GRID2: variants seen among roughly 807,000 people sequenced by gnomAD.
The protein encoded by GRID2 is glutamate ionotropic receptor delta type subunit 2.
Under a neutral mutation model 114.8 loss-of-function variants are expected in GRID2, and 33 were observed. The ratio of observed to expected loss-of-function variants is 0.29; its 90% CI spans 0.22 to 0.38. GRID2 has a LOEUF of 0.38. Ranked by LOEUF, GRID2 falls within the 10% of genes least tolerant of loss-of-function variation. The pLI is 1.00. For synonymous variants in GRID2, 505 were observed against 449.9 expected, an observed-to-expected ratio of 1.12 and a Z score of -1.55; for missense variants, 1,184 against 1,257.7, an observed-to-expected ratio of 0.94 and a Z score of 0.89.
chr4:92,376,188 A>T (rs1339895962), intron 1 of GRID2, among the ~76,000 whole-genome samples: 1 of 152,022 alleles, frequency 6.6e-6, no homozygotes, highest in Admixed American at 6.6e-5. Flanking sequence ...CGGGCACCTG[A>T]AGTCCCAGCT....
chr4:93,284,784 G>A (rs970944127), intron 8 of GRID2, among the ~76,000 whole-genome samples: 6 of 137,604 alleles, frequency 4.4e-5, no homozygotes, highest in Admixed American at 8.4e-5. Flanking sequence ...AATACAGTTA[G>A]AATAATAAAG....
intron 2 of GRID2, among the ~76,000 whole-genome samples, chr4:92,946,887 CT>C (rs1435191478): frequency 1.3e-5 from 2 of 152,044 alleles, no homozygotes; most frequent in Non-Finnish European, 2.9e-5. Context: ...AATTCTGATA[CT>C]GCTGATCTGA....
chr4:92,788,795 T>C (rs1053731610), intron 2 of GRID2, among the ~76,000 whole-genome samples: 2 of 151,738 alleles, frequency 1.3e-5, no homozygotes, highest in African/African-American at 4.8e-5. Flanking sequence ...ATGTAGCAGG[T>C]TTTTTCTCTT....
intron 2 of GRID2, among the ~76,000 whole-genome samples, chr4:92,686,556 C>T (rs1026695720): frequency 6.6e-6 from 1 of 152,034 alleles, no homozygotes; most frequent in Non-Finnish European, 1.5e-5. Context: ...TAATAAAACG[C>T]TTGCTGGATT....
At chr4:92,310,001 GA>G (rs201179324) in intron 1 of GRID2, among the ~76,000 whole-genome samples, 3 of 148,948 alleles carry the variant, frequency 2.0e-5, no homozygotes, top group East Asian at 2.0e-4. Flanking sequence ...GAGTTGTGGG[GA>G]AAAAAAAACA....
At chr4:93,513,624 C>T (rs536388468) in intron 12 of GRID2, among the ~76,000 whole-genome samples, 1 of 152,232 alleles carries the variant, frequency 6.6e-6, no homozygotes, top group East Asian at 1.9e-4. Flanking sequence ...ACTTTCTCTT[C>T]AGATAGGATG....
At chr4:92,735,002 C>T (rs1301340761) in intron 2 of GRID2, among the ~76,000 whole-genome samples, 1 of 151,834 alleles carries the variant, frequency 6.6e-6, no homozygotes, top group Admixed American at 6.6e-5. Flanking sequence ...TGGTCTTGGA[C>T]TCTTGGGCTC....
In GRID2 at chr4:92,491,381, G is replaced by C. The variant is rs142689040; in HGVS notation, c.89-98750G>C. 2.2e-3 allele frequency among the ~76,000 whole-genome samples: 332 copies of C among 152,136 alleles called. 2 individuals are homozygous for C. The highest frequency in any genetic ancestry group is 7.3e-3 in the African/African-American group (304 of 41,518). ...CTGGATATTGATGCTTTTATCTTCT[G>C]CTATAACTGTATACTCCCCAAGTCT... On this transcript the variant is annotated intron_variant, in intron 1 of 15. Coordinates refer to ENST00000282020, the MANE Select transcript of GRID2 (RefSeq NM_001510.4).
Position 93,772,556 on chromosome 4 carries a change from T to C in GRID2, c.*58T>C, listed in dbSNP as rs1734197313. ...TAGGACTCCCTTTGCAAGGAGCAACTGTAATATTGTGGGACTAACATGGAT... is the reference window on the plus strand; with the variant it reads ...TAGGACTCCCTTTGCAAGGAGCAACCGTAATATTGTGGGACTAACATGGAT... On this transcript the variant is annotated 3_prime_UTR_variant, in exon 16 of 16. Coordinates refer to ENST00000282020, the MANE Select transcript of GRID2 (RefSeq NM_001510.4). 1.7e-6 allele frequency: 2 copies of C among 1,174,246 alleles called. No individual in the cohort carries two copies. The allele number at this position is 1,174,246 out of a possible 1,614,324, so 72.7% of individuals were successfully genotyped here.
chr4:92,544,345 G>T (rs1207305414), intron 1 of GRID2, among the ~76,000 whole-genome samples: 2 of 152,058 alleles, frequency 1.3e-5, no homozygotes, highest in African/African-American at 4.8e-5. Context: ...TGGCTTTTAT[G>T]CTGTTTGAGT....
At chr4:92,974,830 A>G (rs935595927) in intron 2 of GRID2, among the ~76,000 whole-genome samples, 3 of 152,038 alleles carry the variant, frequency 2.0e-5, no homozygotes, top group Non-Finnish European at 4.4e-5. Flanking sequence ...AACTGAAAGT[A>G]TAATTAAACA....
intron 2 of GRID2, among the ~76,000 whole-genome samples, chr4:92,816,941 A>G (rs572448955): frequency 6.6e-6 from 1 of 152,254 alleles, no homozygotes; most frequent in South Asian, 2.1e-4. Flanking sequence ...TTTACTTTGT[A>G]CATAACTACC....
chr4:92,828,879 A>C (rs1355392780), intron 2 of GRID2, among the ~76,000 whole-genome samples: 1 of 151,870 alleles, frequency 6.6e-6, no homozygotes, highest in Non-Finnish European at 1.5e-5. Context: ...TTTTCTTGTA[A>C]ATTTGTTTAA....
At chr4:92,511,795 G>T (rs1362476087) in intron 1 of GRID2, among the ~76,000 whole-genome samples, 3 of 151,736 alleles carry the variant, frequency 2.0e-5, no homozygotes, top group Non-Finnish European at 4.4e-5. Context: ...AAGATGTTTG[G>T]TTTTAATTGA....
rs548819037 is a variant in GRID2, at chr4:93,587,973, C to G, written c.2194-38296C>G. On this transcript the variant is annotated intron_variant, in intron 13 of 15. Coordinates refer to ENST00000282020, the MANE Select transcript of GRID2 (RefSeq NM_001510.4). ...TAAACCCAGGGATGATCCAAGAATC[C>G]AGAGATAATAATCCTATATTAACCT... Among the ~76,000 whole-genome samples, 4 of 152,140 alleles carry G rather than the reference C, an allele frequency of 2.6e-5. No individual in the cohort carries two copies. The South Asian group carries it at 8.3e-4, about 32-fold the overall frequency.
rs562658522 is a variant in GRID2, at chr4:92,817,206, G to A, written c.244+226920G>A. On this transcript the variant is annotated intron_variant, in intron 2 of 15. Transcript: ENST00000282020. ...TTCACCCTTAAAATTTTCTTTAACT[G>A]TAAATACCAGCAATTCTATATATTT... Among the ~76,000 whole-genome samples the A allele has an allele frequency of 2.0e-5, 3 of 152,024 alleles. No individual in the cohort carries two copies. The South Asian group carries it at 6.2e-4, about 32-fold the overall frequency.
chr4:93,667,997 A>G (rs1406619870), intron 14 of GRID2, among the ~76,000 whole-genome samples: 2 of 151,982 alleles, frequency 1.3e-5, no homozygotes, highest in African/African-American at 2.4e-5. Context: ...CACCTTTACT[A>G]TATTTAAGAT....
intron 1 of GRID2, among the ~76,000 whole-genome samples, chr4:92,519,920 C>T (rs770153855): frequency 3.6e-4 from 54 of 151,812 alleles, no homozygotes; most frequent in Non-Finnish European, 6.2e-4. Flanking sequence ...TATTGGGGGG[C>T]GGAATTTGCT....
chr4:93,661,833 C>G (rs1723524192), intron 14 of GRID2, among the ~76,000 whole-genome samples: 1 of 152,156 alleles, frequency 6.6e-6, no homozygotes, highest in Non-Finnish European at 1.5e-5. Context: ...AACAAAACAA[C>G]AAGAGTGGTT....
Sources: allele counts gnomAD v4.1 joint callset (sites outside exome capture counted in the v4.1 genomes callset), GRCh38; gene constraint gnomAD v4.1.1; transcripts MANE v1.5; gene names NCBI Gene and HGNC (gene_info 2026-07-23, HGNC 2026-07-21).